Variants in URGCP observed in about 807,000 individuals in gnomAD.
URGCP encodes the protein upregulator of cell proliferation.
Under a neutral mutation model 24.6 loss-of-function variants are expected in URGCP, and 13 were observed. The observed-to-expected ratio is 0.53, with a 90% CI of 0.34 to 0.84. URGCP has a LOEUF of 0.84. Ranked by LOEUF, URGCP falls within the 40% of genes least tolerant of loss-of-function variation. The pLI, the probability that URGCP is intolerant of heterozygous loss-of-function variation, is 0.01. For synonymous variants in URGCP, 444 were observed against 487.2 expected, an observed-to-expected ratio of 0.91 and a Z score of 1.17; for missense variants, 899 against 1,194.3, an observed-to-expected ratio of 0.75 and a Z score of 3.64.
Position 43,878,539 on chromosome 7 carries a change from C to T in URGCP, c.924G>A (p.Ser308=), listed in dbSNP as rs373479026. The change falls in exon 6 of 6, where the codon TCG becomes TCA. Residue 308 remains serine, a synonymous_variant. Coordinates refer to ENST00000453200, the MANE Select transcript of URGCP (RefSeq NM_001077663.3). This position sits in a 1 kb window ranked among gnomAD's most constrained non-coding sequence, Gnocchi z 5.6. The stretch of plus-strand genomic sequence containing the variant: ...ACCAGGAAATTTCTACCAACCCATC[C>T]GAAATCTCCCGGGCATTGGTGCCCA... ...LNLGTNAREI[S]DGLVEISWFF... The T allele has an allele frequency of 1.5e-5, 25 of 1,614,072 alleles. No individual in the cohort carries two copies. Among genetic ancestry groups the T allele is most frequent in the East Asian group, 4.5e-5 (2 of 44,888 alleles).
intron 3 of URGCP, among the ~76,000 whole-genome samples, chr7:43,883,702 A>G (rs557244804): frequency 6.6e-6 from 1 of 152,222 alleles, no homozygotes; most frequent in African/African-American, 2.4e-5. Flanking sequence ...CAAGATTCGG[A>G]TATTTTCAGA....
At chr7:43,907,347 C>T (rs769779254), upstream of URGCP, among the ~76,000 whole-genome samples, 4 of 152,082 alleles carry the variant, frequency 2.6e-5, no homozygotes, top group Non-Finnish European at 4.4e-5. Context: ...TATTAAATAT[C>T]ACTGGCCGAA....
chr7:43,906,715 A>G (rs1417107223), upstream of URGCP: 1 of 653,650 alleles, frequency 1.5e-6, no homozygotes. Context: ...GAGGTGGGGT[A>G]AGGTGGGCCC....
At chr7:43,919,121 T>C (rs1165475819) in intron 1 of URGCP, 2 of 872,490 alleles carry the variant, frequency 2.3e-6, no homozygotes, top group African/African-American at 1.6e-5. Context: ...AGTTCATTGC[T>C]GGGGGGACAG....
intron 1 of URGCP, among the ~76,000 whole-genome samples, chr7:43,892,468 C>G (rs1367146085): frequency 6.6e-6 from 1 of 151,786 alleles, no homozygotes; most frequent in Non-Finnish European, 1.5e-5. Context: ...TTGACAGGAA[C>G]CACAGGAAAC....
chr7:43,906,604 C>A, upstream of URGCP: 1 of 1,202,766 alleles, frequency 8.3e-7, no homozygotes, highest in South Asian at 3.2e-5. Flanking sequence ...GCTCCCGCCT[C>A]CTTCGCTTCC....
chr7:43,908,537 A>C (rs1208059874), upstream of URGCP, among the ~76,000 whole-genome samples: 1 of 152,192 alleles, frequency 6.6e-6, no homozygotes, highest in Admixed American at 6.5e-5. Context: ...CAAAACAGAA[A>C]ATGTCTTTAT....
chr7:43,882,008 C>CTGT, intron 3 of URGCP, 51 bp from the exon 4 acceptor site: 1 of 1,612,100 alleles, frequency 6.2e-7, no homozygotes, highest in Non-Finnish European at 8.5e-7. Context: ...CAAGTTAGAA[C>CTGT]CTTTCTGTCA....
intron 2 of URGCP, 68 bp from the exon 3 acceptor site, chr7:43,887,553 C>G (rs999910438): frequency 6.4e-7 from 1 of 1,572,598 alleles, no homozygotes; most frequent in African/African-American, 1.4e-5. Context: ...TCAAACTGGC[C>G]GCATATAAAA....
intron 1 of URGCP, among the ~76,000 whole-genome samples, chr7:43,890,770 G>A (rs921957490): frequency 2.0e-5 from 3 of 152,162 alleles, no homozygotes; most frequent in South Asian, 2.1e-4. Flanking sequence ...GCCAGTGGAC[G>A]GGCTGGTTTG....
At chr7:43,899,938 C>T (rs1487858883) in intron 1 of URGCP, among the ~76,000 whole-genome samples, 1 of 152,144 alleles carries the variant, frequency 6.6e-6, no homozygotes, top group African/African-American at 2.4e-5. Flanking sequence ...AGTTCAAGAA[C>T]AACCTGGGCA....
chr7:43,899,353 A>G (rs899496137), intron 1 of URGCP, among the ~76,000 whole-genome samples: 3 of 149,756 alleles, frequency 2.0e-5, no homozygotes, highest in South Asian at 4.2e-4. Context: ...TCCTGGGATC[A>G]TGTGATCCAT....
upstream of URGCP, chr7:43,906,608 C>A: frequency 1.7e-6 from 2 of 1,193,382 alleles, no homozygotes; most frequent in Non-Finnish European, 2.1e-6. Context: ...CCGCCTCCTT[C>A]GCTTCCTCCG....
rs187101110 is a variant in URGCP at position 43,883,770 on chromosome 7, G to A, written c.113-1813C>T. On this transcript the variant is annotated intron_variant, in intron 3 of 5. Transcript: ENST00000453200. ...GTAGATAAACCTAACATTTCAAACC[G>A]TCTTCTTTGATGATATCTCTGGGAG... 8.8e-3 allele frequency among the ~76,000 whole-genome samples: 1,336 copies of A among 152,180 alleles called. 4 individuals carry two copies. The highest frequency in any genetic ancestry group is 0.012 in the Non-Finnish European group (838 of 68,006).
intron 1 of URGCP, among the ~76,000 whole-genome samples, chr7:43,894,767 T>C (rs1175668440): frequency 6.6e-6 from 1 of 152,090 alleles, no homozygotes; most frequent in Non-Finnish European, 1.5e-5. Flanking sequence ...TGGTGGCTCA[T>C]GAATGTAATT....
At chr7:43,886,387 G>C (rs780398543) in intron 3 of URGCP, among the ~76,000 whole-genome samples, 2 of 150,770 alleles carry the variant, frequency 1.3e-5, no homozygotes, top group Non-Finnish European at 3.0e-5. Flanking sequence ...TTTTTTTTTG[G>C]CAGTTAAAAC....
In URGCP at chr7:43,878,741, G is replaced by T; in HGVS notation, c.722C>A (p.Ser241Tyr). ...GCTCCCCATGCCCCTTGGGGGCTGG[G>T]ACCACCATGTCCTCACAATGCCCCG... ...AMRGIVRTWW[S>Y]QPPRGMGSFR... Residue 241 changes from serine to tyrosine, a missense_variant, in exon 6 of 6, where the codon TCC (serine) becomes TAC (tyrosine). Ser to Tyr is a moderately radical substitution (Grantham distance 144, BLOSUM62 -2). Transcript: ENST00000453200. This position sits in a 1 kb window ranked among gnomAD's most constrained non-coding sequence, Gnocchi z 5.6. 6.2e-7 allele frequency: 1 copy of T among 1,614,118 alleles called. No homozygotes were observed. Among genetic ancestry groups the T allele is most frequent in the Non-Finnish European group, 8.5e-7 (1 of 1,179,998 alleles).
intron 1 of URGCP, chr7:43,889,422 G>A (rs367912720): frequency 6.6e-6 from 1 of 152,344 alleles, no homozygotes; most frequent in East Asian, 1.9e-4. Context: ...GCCTTGCTAA[G>A]TTTCCTGTCT....
upstream of URGCP, chr7:43,906,711 G>C: frequency 1.3e-6 from 1 of 776,700 alleles, no homozygotes; most frequent in Non-Finnish European, 1.6e-6. Flanking sequence ...GGGTGAGGTG[G>C]GGTAAGGTGG....
Sources: gnomAD v4.1 joint callset for allele counts (sites outside exome capture counted in the v4.1 genomes callset) on GRCh38, gnomAD v4.1.1 for gene constraint, Gnocchi (gnomAD v3.1) non-coding constraint, MANE v1.5 for transcripts, NCBI Gene and HGNC (gene_info 2026-07-23, HGNC 2026-07-21) for gene names.